Variants in RORA observed in about 807,000 individuals in gnomAD.
The protein encoded by RORA is nuclear receptor ROR-alpha.
RORA carries 7 observed loss-of-function variants against 69.5 expected under a neutral mutation model. The ratio of observed to expected loss-of-function variants is 0.10; its 90% CI spans 0.06 to 0.19. The LOEUF is 0.19. Ranked by LOEUF, RORA falls within the 10% of genes least tolerant of loss-of-function variation. RORA has a pLI of 1.00. For missense variants in RORA, 457 were observed against 663.0 expected (o/e 0.69, Z 3.41); for synonymous variants, 261 against 240.8 (o/e 1.08, Z -0.78).
intron 2 of RORA, among the ~76,000 whole-genome samples, chr15:60,625,343 CA>C (rs2069546183): frequency 6.6e-6 from 1 of 152,148 alleles, no homozygotes; most frequent in South Asian, 2.1e-4. Flanking sequence ...AACAGGCACT[CA>C]CATACATTAT....
At chr15:60,636,770 G>C (rs992803809) in intron 2 of RORA, among the ~76,000 whole-genome samples, 2 of 152,112 alleles carry the variant, frequency 1.3e-5, no homozygotes, top group African/African-American at 2.4e-5. Context: ...TACCATCCAG[G>C]GAGGGTTCTT....
intron 1 of RORA, among the ~76,000 whole-genome samples, chr15:61,144,600 T>C (rs1284544274): frequency 1.3e-5 from 2 of 152,142 alleles, no homozygotes; most frequent in Admixed American, 1.3e-4. Flanking sequence ...AAAATGTAAA[T>C]CAAAACAAGT....
intron 1 of RORA, among the ~76,000 whole-genome samples, chr15:61,080,906 G>A (rs1389797324): frequency 6.6e-6 from 1 of 152,170 alleles, no homozygotes; most frequent in East Asian, 1.9e-4. Context: ...CCTACATAAA[G>A]AGACAAGGAT....
At chr15:60,808,279 G>A (rs1275739774) in intron 1 of RORA, among the ~76,000 whole-genome samples, 2 of 152,028 alleles carry the variant, frequency 1.3e-5, no homozygotes. Context: ...CTCAAAAGAA[G>A]ATACACAAAT....
At chr15:60,675,328 C>A (rs1259180108) in intron 2 of RORA, among the ~76,000 whole-genome samples, 3 of 152,144 alleles carry the variant, frequency 2.0e-5, no homozygotes, top group African/African-American at 4.8e-5. Flanking sequence ...GGGGTCCAAC[C>A]AAATACATGT....
At chr15:60,678,550 G>T in intron 2 of RORA, 107 bp downstream of exon 2, 1 of 869,960 alleles carries the variant, frequency 1.1e-6, no homozygotes. Context: ...GTTGACCATG[G>T]ATCACAGCTG....
At chr15:61,140,355 C>T (rs925190638) in intron 1 of RORA, among the ~76,000 whole-genome samples, 1 of 152,174 alleles carries the variant, frequency 6.6e-6, no homozygotes, top group African/African-American at 2.4e-5. Flanking sequence ...AACATACCAG[C>T]ACCTGTAGGT....
chr15:61,020,533 G>A (rs1254898192), intron 1 of RORA, among the ~76,000 whole-genome samples: 1 of 152,174 alleles, frequency 6.6e-6, no homozygotes, highest in Non-Finnish European at 1.5e-5. Context: ...TGAAGATAAT[G>A]ATGTCTGGCT....
In RORA at chr15:61,050,834, T is replaced by C. The variant is rs553341816; in HGVS notation, c.166+178219A>G. On this transcript the variant is annotated intron_variant, in intron 1 of 10. Coordinates refer to ENST00000335670, the MANE Select transcript of RORA (RefSeq NM_134261.3). ...TGAATAGGTACTATTATTATCCCAG[T>C]TTATGGGTGAGGAAACCAAGTCTTA... Among the ~76,000 whole-genome samples, 4 of 152,272 alleles carry C rather than the reference T, an allele frequency of 2.6e-5. No individual in the cohort carries two copies. In the South Asian group the frequency reaches 8.3e-4, roughly 32 times the overall value.
intron 1 of RORA, among the ~76,000 whole-genome samples, chr15:60,695,950 G>A (rs534877896): frequency 1.3e-5 from 2 of 152,020 alleles, no homozygotes; most frequent in South Asian, 2.1e-4. Flanking sequence ...CACTGTTCCC[G>A]CGACCACCAA....
chr15:60,658,026 C>CA (rs997714552), intron 2 of RORA, among the ~76,000 whole-genome samples: 13 of 151,908 alleles, frequency 8.6e-5, no homozygotes, highest in Non-Finnish European at 1.5e-5. Flanking sequence ...CTGCCTCCTC[C>CA]AAAAAAAGGA....
At chr15:60,751,696 C>G (rs1434066507) in intron 1 of RORA, among the ~76,000 whole-genome samples, 3 of 152,126 alleles carry the variant, frequency 2.0e-5, no homozygotes, top group Non-Finnish European at 4.4e-5. Context: ...CAGGTGTTAC[C>G]TTCCTGCATC....
chr15:61,091,756 G>A (rs1595975719), intron 1 of RORA, among the ~76,000 whole-genome samples: 1 of 152,304 alleles, frequency 6.6e-6, no homozygotes, highest in East Asian at 1.9e-4. Flanking sequence ...GCGTTGGGCT[G>A]CTAAGTATTT....
chr15:61,165,733 T>G (rs1486074285), intron 1 of RORA, among the ~76,000 whole-genome samples: 1 of 152,134 alleles, frequency 6.6e-6, no homozygotes, highest in East Asian at 1.9e-4. Flanking sequence ...AACATCCCAC[T>G]TTAAACATGA....
chr15:61,186,693 T>G (rs2414691), intron 1 of RORA, among the ~76,000 whole-genome samples: 1 of 149,578 alleles, frequency 6.7e-6, no homozygotes, highest in Non-Finnish European at 1.5e-5. Flanking sequence ...AATCCAGATG[T>G]CATGGCACTG....
At chr15:61,068,797 A>G (rs967324368) in intron 1 of RORA, among the ~76,000 whole-genome samples, 10 of 152,174 alleles carry the variant, frequency 6.6e-5, no homozygotes, top group Non-Finnish European at 1.2e-4. Flanking sequence ...AAAATAGCAA[A>G]AATTTTCTTG....
At chr15:60,738,182 G>C (rs113796570) in intron 1 of RORA, among the ~76,000 whole-genome samples, 3,277 of 152,298 alleles carry the variant, frequency 0.022, 134 homozygotes, top group African/African-American at 0.076. Flanking sequence ...TTGTGCTTCA[G>C]CTATAGCCAA....
rs2065029217 is a variant in RORA, at chr15:60,490,798, T to C, written c.*6657A>G. 1 of 152,190 alleles carries C rather than the reference T, an allele frequency of 6.6e-6. No homozygotes were observed. Among genetic ancestry groups the C allele is most frequent in the East Asian group, 1.9e-4 (1 of 5,194 alleles). 9.4% of individuals were successfully genotyped at this position (152,190 alleles called of 1,614,324 possible). A position where few individuals can be genotyped will look rare whatever the true frequency, so the allele number is the denominator to read the frequency against. Reference sequence around the variant, plus strand: ...AATATTGTTAAAGGTGCCATAAAAATGGACAACACTGAAAACAGTTTGCAA... The same window carrying C: ...AATATTGTTAAAGGTGCCATAAAAACGGACAACACTGAAAACAGTTTGCAA... On this transcript the variant is annotated 3_prime_UTR_variant, in exon 11 of 11. Transcript: ENST00000335670. This position sits in a 1 kb window ranked among gnomAD's most constrained non-coding sequence, Gnocchi z 4.1.
chr15:60,849,919 C>A (rs1567213308), intron 1 of RORA, among the ~76,000 whole-genome samples: 1 of 152,064 alleles, frequency 6.6e-6, no homozygotes, highest in African/African-American at 2.4e-5. Context: ...TCTCAAAGGC[C>A]CCTGTGGCTC....
Sources: allele counts gnomAD v4.1 joint callset (sites outside exome capture counted in the v4.1 genomes callset), GRCh38; gene constraint gnomAD v4.1.1; non-coding constraint Gnocchi (gnomAD v3.1); transcripts MANE v1.5; gene names NCBI Gene and HGNC (gene_info 2026-07-23, HGNC 2026-07-21).